SYT16: variants seen among roughly 807,000 people sequenced by gnomAD.
SYT16 encodes the protein synaptotagmin 16.
Under a neutral mutation model 61.4 loss-of-function variants are expected in SYT16, and 42 were observed. That is an observed-to-expected ratio of 0.68 (90% CI 0.53 to 0.89). SYT16 has a LOEUF of 0.89. SYT16 is among the 40% of genes least tolerant of loss of function. The pLI, the probability that SYT16 is intolerant of heterozygous loss-of-function variation, is 0.00. For synonymous variants in SYT16, 314 were observed against 302.3 expected, an observed-to-expected ratio of 1.04 and a Z score of -0.40; for missense variants, 804 against 807.3, an observed-to-expected ratio of 1.00 and a Z score of 0.05.
At chr14:61,848,248 G>A (rs148224289) in intron 1 of SYT16, among the ~76,000 whole-genome samples, 25 of 152,242 alleles carry the variant, frequency 1.6e-4, no homozygotes, top group Middle Eastern at 6.8e-3. Context: ...TGATCTAAGC[G>A]TTTGGTCACT....
intron 1 of SYT16, among the ~76,000 whole-genome samples, chr14:61,880,640 CA>C (rs1294282137): frequency 2.0e-5 from 3 of 152,078 alleles, no homozygotes; most frequent in Middle Eastern, 3.2e-3. Flanking sequence ...TATCTTTCAG[CA>C]AAATTTCACA....
At chr14:62,050,640 A>G (rs995284490) in intron 3 of SYT16, among the ~76,000 whole-genome samples, 7 of 152,114 alleles carry the variant, frequency 4.6e-5, no homozygotes, top group East Asian at 1.9e-4. Context: ...TGACGTACAG[A>G]TGGGTTTTTG....
At chr14:61,938,424 G>T (rs1249255951) in intron 1 of SYT16, among the ~76,000 whole-genome samples, 1 of 152,030 alleles carries the variant, frequency 6.6e-6, no homozygotes, top group Admixed American at 6.6e-5. Flanking sequence ...CACCTTCAGG[G>T]TTGGCTGGGT....
chr14:61,944,883 C>A (rs2050358449), intron 1 of SYT16, among the ~76,000 whole-genome samples: 1 of 152,118 alleles, frequency 6.6e-6, no homozygotes, highest in Non-Finnish European at 1.5e-5. Context: ...CCAAAATAAA[C>A]AAATGGGATT....
At chr14:62,056,657 C>G (rs988191682) in intron 3 of SYT16, among the ~76,000 whole-genome samples, 3 of 152,222 alleles carry the variant, frequency 2.0e-5, no homozygotes, top group Non-Finnish European at 2.9e-5. Context: ...ACGGGTTTCT[C>G]TCTGCCCCAG....
intron 1 of SYT16, among the ~76,000 whole-genome samples, chr14:61,941,464 C>T (rs2050207111): frequency 6.6e-6 from 1 of 152,214 alleles, no homozygotes; most frequent in Non-Finnish European, 1.5e-5. Flanking sequence ...CCCTCTCATT[C>T]TTCCCTGAAA....
rs778221963 is a variant in SYT16, at chr14:61,996,547, G to A, written c.523+5G>A. 8 of 1,580,788 alleles carry A rather than the reference G, an allele frequency of 5.1e-6. No individual in the cohort carries two copies. In the Admixed American group the frequency reaches 1.3e-4, roughly 26 times the overall value. Reference sequence around the variant, plus strand: ...CTGTTAATGGAAAAAAGCAAGGTAAGCTAGCCAGTCATCATTTTCTCTGCG... The same window carrying A: ...CTGTTAATGGAAAAAAGCAAGGTAAACTAGCCAGTCATCATTTTCTCTGCG... On this transcript the variant is annotated splice_donor_5th_base_variant and intron_variant, in intron 3 of 7. Coordinates refer to ENST00000683842, the MANE Select transcript of SYT16 (RefSeq NM_001367656.1).
At chr14:61,896,813 T>C (rs1031639045) in intron 1 of SYT16, among the ~76,000 whole-genome samples, 2 of 152,238 alleles carry the variant, frequency 1.3e-5, no homozygotes, top group Non-Finnish European at 2.9e-5. Context: ...GCATTATTTA[T>C]AAAGAAATAT....
chr14:62,055,335 A>C (rs184618556), intron 3 of SYT16, among the ~76,000 whole-genome samples: 28 of 152,332 alleles, frequency 1.8e-4, no homozygotes, highest in African/African-American at 6.5e-4. Context: ...ACAGTTTCAC[A>C]CTTGCTTTTG....
At chr14:61,842,618 C>T (rs1344168684) in intron 1 of SYT16, among the ~76,000 whole-genome samples, 1 of 152,076 alleles carries the variant, frequency 6.6e-6, no homozygotes, top group Non-Finnish European at 1.5e-5. Context: ...AGTTCATGTC[C>T]TTTGTAGGGA....
intron 1 of SYT16, among the ~76,000 whole-genome samples, chr14:61,836,686 A>C (rs1356150213): frequency 2.0e-5 from 3 of 152,236 alleles, no homozygotes; most frequent in Admixed American, 2.0e-4. Context: ...AACTACCTTA[A>C]GAGAAAAGAG....
intron 1 of SYT16, among the ~76,000 whole-genome samples, chr14:61,857,109 A>C (rs1230822856): frequency 6.6e-6 from 1 of 152,090 alleles, no homozygotes; most frequent in African/African-American, 2.4e-5. Flanking sequence ...GAAGAAAGCC[A>C]ATAAAGGGTG....
chr14:61,941,068 A>G (rs1168420047), intron 1 of SYT16, among the ~76,000 whole-genome samples: 1 of 152,156 alleles, frequency 6.6e-6, no homozygotes, highest in Non-Finnish European at 1.5e-5. Flanking sequence ...GCATGTTACA[A>G]TGGGGAGGGG....
At chr14:62,016,289 G>A (rs571686763) in intron 3 of SYT16, among the ~76,000 whole-genome samples, 1 of 152,298 alleles carries the variant, frequency 6.6e-6, no homozygotes, top group East Asian at 1.9e-4. Flanking sequence ...AGATGAGAGA[G>A]ATGTTATACA....
chr14:62,026,015 G>T (rs187221668), intron 3 of SYT16, among the ~76,000 whole-genome samples: 1 of 152,232 alleles, frequency 6.6e-6, no homozygotes, highest in African/African-American at 2.4e-5. Flanking sequence ...GATTCTCCAA[G>T]TTTGCTACAC....
At chr14:62,054,133 C>T (rs1566802293) in intron 3 of SYT16, among the ~76,000 whole-genome samples, 1 of 152,162 alleles carries the variant, frequency 6.6e-6, no homozygotes, top group Admixed American at 6.5e-5. Context: ...TGATAGCAGG[C>T]ATCCACGGCA....
intron 1 of SYT16, among the ~76,000 whole-genome samples, chr14:61,846,297 G>C (rs987250856): frequency 6.6e-6 from 1 of 152,076 alleles, no homozygotes; most frequent in Non-Finnish European, 1.5e-5. Flanking sequence ...ACTGGGGCCT[G>C]TCTCTTTAGC....
At chr14:61,998,084 A>G (rs1013542755) in intron 3 of SYT16, among the ~76,000 whole-genome samples, 6 of 152,028 alleles carry the variant, frequency 3.9e-5, no homozygotes, top group African/African-American at 1.2e-4. Context: ...TACAGTTGAG[A>G]AAATTGATGG....
chr14:62,082,196 G>A (rs1484761158), intron 6 of SYT16, among the ~76,000 whole-genome samples: 2 of 152,148 alleles, frequency 1.3e-5, no homozygotes, highest in South Asian at 2.1e-4. Context: ...GTCAGGATGT[G>A]GGGTGGCCGG....
Sources: allele counts gnomAD v4.1 joint callset (sites outside exome capture counted in the v4.1 genomes callset), GRCh38; gene constraint gnomAD v4.1.1; transcripts MANE v1.5; gene names NCBI Gene and HGNC (gene_info 2026-07-23, HGNC 2026-07-21).